Variants in PRKCI observed in about 807,000 individuals in gnomAD.
The protein encoded by PRKCI is protein kinase C iota type.
A neutral mutation model predicts 84.0 loss-of-function variants in PRKCI; 43 were observed. That is an observed-to-expected ratio of 0.51 (90% CI 0.40 to 0.66). The LOEUF is 0.66. Among genes scored for constraint, PRKCI ranks in the 30% least tolerant of loss-of-function variants. The pLI is 0.00. For missense variants in PRKCI, 459 were observed against 745.6 expected (o/e 0.62, Z 4.48); for synonymous variants, 216 against 234.4 (o/e 0.92, Z 0.72).
chr3:170,242,851 A>G (rs1051172013), intron 2 of PRKCI, among the ~76,000 whole-genome samples: 8 of 151,802 alleles, frequency 5.3e-5, no homozygotes, highest in African/African-American at 1.9e-4. Context: ...TTGTATTTTT[A>G]GTAGAGATGG....
intron 12 of PRKCI, among the ~76,000 whole-genome samples, chr3:170,289,045 A>G (rs776361592): frequency 3.3e-5 from 5 of 152,198 alleles, no homozygotes; most frequent in Non-Finnish European, 7.3e-5. Context: ...TTTTTCATCA[A>G]CAGAGGAATT....
intron 8 of PRKCI, among the ~76,000 whole-genome samples, chr3:170,276,866 T>C (rs1368778308): frequency 1.3e-5 from 2 of 151,594 alleles, no homozygotes; most frequent in African/African-American, 4.9e-5. Context: ...TGGGAGAAAA[T>C]AGTCACAAAC....
chr3:170,260,207 T>A, intron 3 of PRKCI, 149 bp downstream of exon 3: 2 of 546,798 alleles, frequency 3.7e-6, no homozygotes, highest in Non-Finnish European at 6.3e-6. Flanking sequence ...TAGTAGTTTC[T>A]CACGTGCTAC....
At chr3:170,257,543 AC>A (rs34905163) in intron 2 of PRKCI, among the ~76,000 whole-genome samples, 47 of 152,138 alleles carry the variant, frequency 3.1e-4, no homozygotes, top group African/African-American at 1.1e-3. Flanking sequence ...GTGAAAAAAA[AC>A]CCTGCCCCTT....
intron 2 of PRKCI, among the ~76,000 whole-genome samples, chr3:170,239,637 T>A (rs1733069193): frequency 6.6e-6 from 1 of 152,154 alleles, no homozygotes; most frequent in South Asian, 2.1e-4. Context: ...TGGCTGTCTC[T>A]CATCATTCAG....
At chr3:170,269,726 G>A (rs1364012158) in intron 5 of PRKCI, among the ~76,000 whole-genome samples, 2 of 152,084 alleles carry the variant, frequency 1.3e-5, no homozygotes, top group Non-Finnish European at 2.9e-5. Flanking sequence ...GGAGGCTGAG[G>A]TGGGTGGATC....
At chr3:170,228,288 A>T (rs556675265) in intron 1 of PRKCI, among the ~76,000 whole-genome samples, 1 of 152,278 alleles carries the variant, frequency 6.6e-6, no homozygotes, top group South Asian at 2.1e-4. Flanking sequence ...CACTAAAACT[A>T]AATTTTAAAA....
chr3:170,222,527 G>A lies in PRKCI; in HGVS notation c.-143G>A. 1 of 686,814 alleles carries A rather than the reference G, an allele frequency of 1.5e-6. No individual in the cohort carries two copies. The highest frequency in any genetic ancestry group is 2.2e-6 in the Non-Finnish European group (1 of 448,864). The allele number at this position is 686,814 out of a possible 1,614,324, so 42.5% of individuals were successfully genotyped here. A position where few individuals can be genotyped will look rare whatever the true frequency, so the allele number is the denominator to read the frequency against. Reference sequence around the variant, plus strand: ...GGCTGCTCCGGCGAGGCGACCCTTGGGTCGGCGCTGCGGGCGAGGTGGGCA... The same window carrying A: ...GGCTGCTCCGGCGAGGCGACCCTTGAGTCGGCGCTGCGGGCGAGGTGGGCA... On this transcript the variant is annotated 5_prime_UTR_variant, in exon 1 of 18. Transcript: ENST00000295797.
At chr3:170,234,457 T>G (rs532348630) in intron 1 of PRKCI, among the ~76,000 whole-genome samples, 1 of 152,372 alleles carries the variant, frequency 6.6e-6, no homozygotes, top group East Asian at 1.9e-4. Context: ...TATGTTTACC[T>G]TTCTGTTAAT....
chr3:170,231,300 G>A (rs1275659367), intron 1 of PRKCI, among the ~76,000 whole-genome samples: 5 of 151,676 alleles, frequency 3.3e-5, no homozygotes, highest in Admixed American at 2.0e-4. Flanking sequence ...TTTGTGAATG[G>A]GGTCTTCTTG....
At chr3:170,233,781 C>T (rs577454261) in intron 1 of PRKCI, among the ~76,000 whole-genome samples, 8 of 150,908 alleles carry the variant, frequency 5.3e-5, no homozygotes, top group South Asian at 2.1e-4. Context: ...AGTGCAGTGA[C>T]GCAATCACGG....
intron 8 of PRKCI, among the ~76,000 whole-genome samples, chr3:170,279,583 T>C (rs1468186303): frequency 6.6e-6 from 1 of 152,224 alleles, no homozygotes; most frequent in African/African-American, 2.4e-5. Flanking sequence ...TTTGTAGTTG[T>C]GAATGAATTT....
chr3:170,273,191 TA>T, intron 6 of PRKCI, 94 bp from the exon 7 acceptor site: 1 of 1,028,234 alleles, frequency 9.7e-7, no homozygotes, highest in Non-Finnish European at 1.5e-6. Context: ...CTTTCAAAAT[TA>T]AATTTTAATA....
intron 13 of PRKCI, among the ~76,000 whole-genome samples, chr3:170,292,594 T>TC (rs1163045764): frequency 8.6e-5 from 13 of 151,876 alleles, no homozygotes; most frequent in Non-Finnish European, 1.5e-5. Flanking sequence ...TAGCAAAAGA[T>TC]CAAGTTTAAG....
In PRKCI at chr3:170,280,292, C is replaced by T; in HGVS notation, c.771C>T (p.Leu257=). ...TAGGTCTTCAGGATTTTGATTTGCT[C>T]CGGGTAATAGGAAGAGGAAGTTATG... The part of the protein sequence containing the change: ...SSLGLQDFDL[L]RVIGRGSYAK... The change falls in exon 9 of 18, where the codon CTC becomes CTT. Residue 257 remains leucine (L), a synonymous_variant. Coordinates refer to ENST00000295797, the MANE Select transcript of PRKCI (RefSeq NM_002740.6). 1 of 1,612,984 alleles carries T rather than the reference C, an allele frequency of 6.2e-7. No homozygotes were observed. Among genetic ancestry groups the T allele is most frequent in the Non-Finnish European group, 8.5e-7 (1 of 1,179,894 alleles).
chr3:170,265,285 G>T (rs770987517), intron 4 of PRKCI, among the ~76,000 whole-genome samples: 4 of 152,082 alleles, frequency 2.6e-5, no homozygotes, highest in Non-Finnish European at 4.4e-5. Context: ...CTCTTCAGGT[G>T]ATTCTGATGC....
At chr3:170,256,676 G>A (rs1733588810) in intron 2 of PRKCI, among the ~76,000 whole-genome samples, 1 of 151,978 alleles carries the variant, frequency 6.6e-6, no homozygotes, top group African/African-American at 2.4e-5. Context: ...TTTCTGCCCC[G>A]ATCTTTATTA....
At chr3:170,244,349 TCTTG>T (rs1733214002) in intron 2 of PRKCI, among the ~76,000 whole-genome samples, 1 of 152,074 alleles carries the variant, frequency 6.6e-6, no homozygotes, top group Non-Finnish European at 1.5e-5. Context: ...GTTTAATCAG[TCTTG>T]CTTAGGTAAT....
chr3:170,293,030 G>A (rs1166954592), intron 13 of PRKCI, among the ~76,000 whole-genome samples: 5 of 132,666 alleles, frequency 3.8e-5, no homozygotes, highest in South Asian at 4.7e-4. Flanking sequence ...GACAGAGTGA[G>A]ACCCCATCTC....
Sources: allele counts gnomAD v4.1 joint callset (sites outside exome capture counted in the v4.1 genomes callset), GRCh38; gene constraint gnomAD v4.1.1; transcripts MANE v1.5; gene names NCBI Gene and HGNC (gene_info 2026-07-23, HGNC 2026-07-21).